ERI3: variants seen among roughly 807,000 people sequenced by gnomAD.
ERI3 encodes the protein ERI1 exoribonuclease family member 3.
ERI3 carries 18 observed loss-of-function variants against 44.4 expected under a neutral mutation model. The observed-to-expected ratio is 0.41, with a 90% confidence interval of 0.28 to 0.60. The LOEUF (loss-of-function observed/expected upper bound fraction) is 0.60, where lower values mean the gene tolerates loss of function less well. Ranked by LOEUF, ERI3 falls within the 20% of genes least tolerant of loss-of-function variation. The pLI, the probability that ERI3 is intolerant of heterozygous loss-of-function variation, is 0.36. For synonymous variants in ERI3, 183 were observed against 164.8 expected (o/e 1.11, Z -0.84); for missense variants, 294 against 435.5 (o/e 0.68, Z 2.89).
chr1:44,328,955 A>G (rs1646372694), intron 3 of ERI3, among the ~76,000 whole-genome samples: 1 of 152,194 alleles, frequency 6.6e-6, no homozygotes, highest in East Asian at 1.9e-4. Context: ...CACATCCAAG[A>G]ACTTCACAGA....
In ERI3 at chr1:44,252,095, G is replaced by C. The variant is rs1644691877; in HGVS notation, c.832-4057C>G. Among the ~76,000 whole-genome samples, 1 of 152,240 alleles carries C rather than the reference G, an allele frequency of 6.6e-6. No homozygotes were observed. Among genetic ancestry groups the C allele is most frequent in the Admixed American group, 6.5e-5 (1 of 15,292 alleles). ...TATGCACAGTCAGCACCTAGCCCCT[G>C]GGGTTCCCAGACAGAGGGTGGGGCA... On this transcript the variant is annotated intron_variant, in intron 7 of 8. Transcript: ENST00000372257. The surrounding 1 kb of genome is among the most constrained non-coding windows in gnomAD (Gnocchi z 4.7).
chr1:44,267,783 A>G (rs1645017369), intron 7 of ERI3, among the ~76,000 whole-genome samples: 2 of 152,236 alleles, frequency 1.3e-5, no homozygotes, highest in Admixed American at 6.5e-5. Context: ...GCTTGGGTTC[A>G]TGCCTGTGCA....
intron 7 of ERI3, among the ~76,000 whole-genome samples, chr1:44,255,608 T>C (rs1644764906): frequency 1.3e-5 from 2 of 152,162 alleles, no homozygotes; most frequent in Admixed American, 1.3e-4. Context: ...GTCAGACATA[T>C]ATATTCTATT....
chr1:44,323,037 C>G, intron 3 of ERI3: 1 of 887,120 alleles, frequency 1.1e-6, no homozygotes, highest in Non-Finnish European at 1.5e-6. Context: ...TTCTCTCAGC[C>G]AATTTCATCA....
At chr1:44,253,147 T>C (rs1644716210) in intron 7 of ERI3, among the ~76,000 whole-genome samples, 1 of 152,160 alleles carries the variant, frequency 6.6e-6, no homozygotes, top group Non-Finnish European at 1.5e-5. Context: ...TGACCAACAC[T>C]TCCACAGCTG....
intron 5 of ERI3, among the ~76,000 whole-genome samples, chr1:44,309,581 C>T (rs1309929810): frequency 6.6e-6 from 1 of 151,898 alleles, no homozygotes; most frequent in African/African-American, 2.4e-5. Context: ...CACACCACTG[C>T]TTCTACCCAT....
intron 5 of ERI3, among the ~76,000 whole-genome samples, chr1:44,310,967 A>ACGCG (rs1293804657): frequency 2.9e-5 from 2 of 67,978 alleles, no homozygotes; most frequent in African/African-American, 5.4e-5. Flanking sequence ...GCGCGCGCAC[A>ACGCG]CACACACACA....
At chr1:44,344,372 T>C (rs1646744465) in intron 2 of ERI3, among the ~76,000 whole-genome samples, 1 of 152,208 alleles carries the variant, frequency 6.6e-6, no homozygotes, top group Non-Finnish European at 1.5e-5. Context: ...CTCCCTGTAA[T>C]GCCCACAGAA....
At chr1:44,354,585 T>C (rs1646959352) in intron 1 of ERI3, 1 of 985,404 alleles carries the variant, frequency 1.0e-6, no homozygotes. Context: ...TGGGCATGTG[T>C]TGGCGAGAGG....
chr1:44,292,455 G>C (rs1177447602), intron 6 of ERI3, among the ~76,000 whole-genome samples: 1 of 152,156 alleles, frequency 6.6e-6, no homozygotes, highest in Non-Finnish European at 1.5e-5. Flanking sequence ...CTCAGACAGA[G>C]GCTAGTGGAA....
Position 44,241,688 on chromosome 1 carries a change from G to A in ERI3, c.931+6251C>T, listed in dbSNP as rs1248079878. 2.6e-5 allele frequency among the ~76,000 whole-genome samples: 4 copies of A among 152,120 alleles called. No individual in the cohort carries two copies. Among genetic ancestry groups the A allele is most frequent in the African/African-American group, 9.7e-5 (4 of 41,416 alleles). On this transcript the variant is annotated intron_variant, in intron 8 of 8. Coordinates refer to ENST00000372257, the MANE Select transcript of ERI3 (RefSeq NM_024066.3). The surrounding 1 kb of genome is among the most constrained non-coding windows in gnomAD (Gnocchi z 5.6). ...TCTTTCTGATTTCTTTGTCATTTAA[G>A]TCTGCGATGGTTTGACAGGAGATAC...
chr1:44,339,259 G>A lies in ERI3; in HGVS notation c.275C>T (p.Ser92Leu). Residue 92 changes from serine to leucine, a missense_variant, in exon 3 of 9, where the codon TCG (serine) becomes TTG (leucine). Physicochemically the swap from Ser to Leu is moderately radical, Grantham distance 145 (BLOSUM62 -2). Around this residue, in one of 2 missense-constraint regions of ERI3, gnomAD observed 187 missense variants for 338.6 expected, o/e 0.55. Transcript: ENST00000372257. ...TTTTCTTGCTCTTGAAAGTAAATACGAAGAAAATCGAGCTGCTCCAGTCTG... is the reference window on the plus strand; with the variant it reads ...TTTTCTTGCTCTTGAAAGTAAATACAAAGAAAATCGAGCTGCTCCAGTCTG... ...PLQTGAARFSSYLLSRARKVL... is the reference protein window; with the variant it reads ...PLQTGAARFSLYLLSRARKVL... 2.5e-6 allele frequency: 4 copies of A among 1,605,248 alleles called. No homozygotes were observed. Among genetic ancestry groups the A allele is most frequent in the East Asian group, 4.5e-5 (2 of 44,514 alleles).
At chr1:44,247,525 CCTT>C (rs1349415870) in intron 8 of ERI3, among the ~76,000 whole-genome samples, 2 of 152,182 alleles carry the variant, frequency 1.3e-5, no homozygotes, top group African/African-American at 4.8e-5. Context: ...TAATTCATCT[CCTT>C]AACTCCCATT....
chr1:44,245,978 G>C (rs1275293081), intron 8 of ERI3, among the ~76,000 whole-genome samples: 1 of 152,056 alleles, frequency 6.6e-6, no homozygotes, highest in African/African-American at 2.4e-5. Context: ...CCACCCATAT[G>C]CATTTATTGA....
At chr1:44,259,347 A>G (rs990635705) in intron 7 of ERI3, among the ~76,000 whole-genome samples, 4 of 152,094 alleles carry the variant, frequency 2.6e-5, no homozygotes, top group African/African-American at 9.7e-5. Flanking sequence ...GGGGCATGCT[A>G]AGGCCTGGAA....
intron 8 of ERI3, among the ~76,000 whole-genome samples, chr1:44,240,483 G>C (rs1644410187): frequency 6.6e-6 from 1 of 152,194 alleles, no homozygotes; most frequent in Non-Finnish European, 1.5e-5. Flanking sequence ...AGTACTCGTG[G>C]TGGTGAAGAA....
In ERI3 at chr1:44,353,583, T is replaced by G. The variant is rs191927260; in HGVS notation, c.136-658A>C. Reference sequence around the variant, plus strand: ...CTACCATTCCACACATTTAAGACTTTCTTCTACTCAGATCCCCTGGGAAAA... The same window carrying G: ...CTACCATTCCACACATTTAAGACTTGCTTCTACTCAGATCCCCTGGGAAAA... On this transcript the variant is annotated intron_variant, in intron 1 of 8. Transcript: ENST00000372257. 12 of 985,446 alleles carry G rather than the reference T, an allele frequency of 1.2e-5. No individual in the cohort carries two copies. The African/African-American group carries it at 2.1e-4, about 17-fold the overall frequency. The allele number at this position is 985,446 out of a possible 1,614,324, so 61.0% of individuals were successfully genotyped here.
chr1:44,265,373 A>T (rs1021283670), intron 7 of ERI3, among the ~76,000 whole-genome samples: 3 of 152,232 alleles, frequency 2.0e-5, no homozygotes, highest in African/African-American at 7.2e-5. Context: ...ACAGGTCCCA[A>T]CAATTTGCTA....
Position 44,352,862 on chromosome 1 carries a change from C to T in ERI3, c.199G>A (p.Glu67Lys), listed in dbSNP as rs1456258335. ...ASPAAGLGIF[E>K]VRRVLDASGC... ...ACAGGATTCTCACCTCTCCTTACTT[C>T]GAAGATGCCAAGACCGGCAGCTGGG... is the stretch of plus-strand genomic sequence containing the variant. Residue 67 changes from glutamate to lysine, a missense_variant, in exon 2 of 9, where the codon GAA becomes AAA. Around this residue, in one of 2 missense-constraint regions of ERI3, gnomAD observed 107 missense variants for 96.9 expected, o/e 1.10. Transcript: ENST00000372257. 2.5e-6 allele frequency: 4 copies of T among 1,614,120 alleles called. No individual in the cohort carries two copies. The highest frequency in any genetic ancestry group is 1.1e-5 in the South Asian group (1 of 91,070).
Sources: gnomAD v4.1 joint callset for allele counts (sites outside exome capture counted in the v4.1 genomes callset) on GRCh38, gnomAD v4.1.1 for gene constraint, gnomAD v4.1.1 regional missense constraint, Gnocchi (gnomAD v3.1) non-coding constraint, MANE v1.5 for transcripts, NCBI Gene and HGNC (gene_info 2026-07-23, HGNC 2026-07-21) for gene names.